WBP2NL: variants seen among roughly 807,000 people sequenced by gnomAD.
The protein encoded by WBP2NL is postacrosomal sheath WW domain-binding protein.
WBP2NL carries 27 observed loss-of-function variants against 23.3 expected under a neutral mutation model. The observed-to-expected ratio is 1.16, with a 90% CI of 0.85 to 1.60. The LOEUF (loss-of-function observed/expected upper bound fraction) is 1.60, where lower values mean the gene tolerates loss of function less well. Ranked by LOEUF, WBP2NL falls within the 40% of genes most tolerant of loss-of-function variation. WBP2NL has a pLI of 0.00. For missense variants in WBP2NL, 370 were observed against 389.5 expected (o/e 0.95, Z 0.42); for synonymous variants, 151 against 145.9 (o/e 1.03, Z -0.25).
At position 42,047,460 on chromosome 22, in the gene WBP2NL, G is replaced by T. The variant is rs188045016; in HGVS notation, c.*274-10830G>T. ...CAAAAATTAGCCTGGTGTTGTGTCGGGTGCCTGTAATCCCAGCTACTCGGG... is the reference window on the plus strand; with the variant it reads ...CAAAAATTAGCCTGGTGTTGTGTCGTGTGCCTGTAATCCCAGCTACTCGGG... On this transcript the variant is annotated intron_variant and NMD_transcript_variant, in intron 8 of 8. Coordinates refer to the WBP2NL transcript ENST00000436265. 3.6e-4 allele frequency among the ~76,000 whole-genome samples: 54 copies of T among 151,060 alleles called. No homozygotes were observed. The East Asian group carries it at 6.8e-3, about 19-fold the overall frequency.
intron 8 of WBP2NL, among the ~76,000 whole-genome samples, chr22:42,047,619 A>AC (rs1925646843): frequency 1.6e-5 from 2 of 122,804 alleles, no homozygotes; most frequent in East Asian, 4.3e-4. Context: ...AAAACCAATC[A>AC]AATTTTTTTT....
chr22:42,046,360 T>C (rs988674024), intron 8 of WBP2NL, among the ~76,000 whole-genome samples: 8 of 152,218 alleles, frequency 5.3e-5, no homozygotes, highest in African/African-American at 9.6e-5. Flanking sequence ...GTGGTAATTA[T>C]CTTTTCTCTC....
chr22:42,020,862 GTGTGTGTATATA>G (rs1320071484), intron 4 of WBP2NL, among the ~76,000 whole-genome samples: 68 of 33,954 alleles, frequency 2.0e-3, no homozygotes, highest in African/African-American at 5.9e-3. Flanking sequence ...ATGTGTGTGT[GTGTGTGTATATA>G]TATATATATA....
chr22:42,032,580 T>G, downstream of WBP2NL: 1 of 286,532 alleles, frequency 3.5e-6, no homozygotes, highest in South Asian at 3.6e-5. Flanking sequence ...ATATATAAAA[T>G]GTAGAAGCCC....
chr22:42,015,571 T>A (rs1231859073), intron 1 of WBP2NL, among the ~76,000 whole-genome samples: 2 of 152,002 alleles, frequency 1.3e-5, no homozygotes, highest in African/African-American at 2.4e-5. Context: ...CCCAGCTAAT[T>A]TTTGTATTTT....
At position 42,026,763 on chromosome 22, in the gene WBP2NL, C is replaced by T; in HGVS notation, c.515-3C>T. On this transcript the variant is annotated splice_region_variant and splice_polypyrimidine_tract_variant and intron_variant, in intron 5 of 5. Transcript: ENST00000328823. The stretch of plus-strand genomic sequence containing the variant: ...ATTTTTTTCCTTCCATTATAATTCC[C>T]AGTTATTGTCTATGGAGCCCCACCT... 1 of 1,609,646 alleles carries T rather than the reference C, an allele frequency of 6.2e-7. No individual in the cohort carries two copies. The highest frequency in any genetic ancestry group is 8.5e-7 in the Non-Finnish European group (1 of 1,178,024).
At position 42,026,668 on chromosome 22, in the gene WBP2NL, C is replaced by T. The variant is rs191894878; in HGVS notation, c.515-98C>T. 118 of 1,516,788 alleles carry T rather than the reference C, an allele frequency of 7.8e-5. No individual in the cohort carries two copies. In the Admixed American group the frequency reaches 9.4e-4, roughly 12 times the overall value. 94.0% of individuals were successfully genotyped at this position (1,516,788 alleles called of 1,614,324 possible). On this transcript the variant is annotated intron_variant, in intron 5 of 5. Transcript: ENST00000328823. ...TTATTCTGCCTGACTTCTCTTCTTGCGTCAGTTTGCTTCAGCATTATTTTT... is the reference window on the plus strand; with the variant it reads ...TTATTCTGCCTGACTTCTCTTCTTGTGTCAGTTTGCTTCAGCATTATTTTT...
In WBP2NL at chr22:42,019,665, A is replaced by G. The variant is rs1156305518; in HGVS notation, c.175A>G (p.Ile59Val). The change falls in exon 3 of 6, where the codon ATT becomes GTT. Residue 59 changes from isoleucine to valine, a missense_variant. Ile to Val is a conservative substitution (Grantham distance 29). Transcript: ENST00000328823. ...GTLFLTSYRVIFITSCSISDP... is the reference protein window; with the variant it reads ...GTLFLTSYRVVFITSCSISDP... ...CAAAGTTTCTGTCCTTGCGTAGGTG[A>G]TTTTCATAACTTCATGCTCCATCAG... is the stretch of plus-strand genomic sequence containing the variant. The G allele has an allele frequency of 4.3e-6, 7 of 1,613,956 alleles. No individual in the cohort carries two copies. Among genetic ancestry groups the G allele is most frequent in the Non-Finnish European group, 5.9e-6 (7 of 1,180,018 alleles).
At chr22:41,999,337 G>A (rs1256512477) in intron 1 of WBP2NL, among the ~76,000 whole-genome samples, 1 of 152,218 alleles carries the variant, frequency 6.6e-6, no homozygotes, top group Admixed American at 6.5e-5. Flanking sequence ...ACAAGGTGTC[G>A]CTCTTTGGTA....
downstream of WBP2NL, among the ~76,000 whole-genome samples, chr22:42,035,637 CTTAAA>C (rs367967958): frequency 8.7e-4 from 132 of 152,248 alleles, no homozygotes; most frequent in African/African-American, 3.1e-3. Flanking sequence ...TTTTTTGTCT[CTTAAA>C]TTATTTTGCA....
chr22:42,048,600 C>CA (rs1206991691), intron 8 of WBP2NL, among the ~76,000 whole-genome samples: 8 of 150,724 alleles, frequency 5.3e-5, no homozygotes, highest in African/African-American at 2.0e-4. Flanking sequence ...ACTAAAAATA[C>CA]AAAAAATTAG....
intron 1 of WBP2NL, among the ~76,000 whole-genome samples, chr22:42,008,121 GCTTTCCTTTC>G (rs1185527318): frequency 2.1e-3 from 115 of 53,858 alleles, no homozygotes; most frequent in East Asian, 0.011. Flanking sequence ...CCTTTCCTTT[GCTTTCCTTTC>G]CTTTCCTTTC....
At chr22:42,010,818 G>A (rs569141093) in intron 1 of WBP2NL, among the ~76,000 whole-genome samples, 12 of 152,162 alleles carry the variant, frequency 7.9e-5, no homozygotes, top group Admixed American at 7.2e-4. Flanking sequence ...GATTACAGGC[G>A]TGAGCCACCA....
At chr22:42,038,204 A>G (rs577716113) in intron 8 of WBP2NL, among the ~76,000 whole-genome samples, 4 of 152,274 alleles carry the variant, frequency 2.6e-5, no homozygotes, top group African/African-American at 4.8e-5. Context: ...ACTTTTGTCA[A>G]ATGCTTTTTC....
intron 8 of WBP2NL, among the ~76,000 whole-genome samples, chr22:42,047,711 T>C (rs1196096205): frequency 2.1e-5 from 3 of 143,344 alleles, no homozygotes; most frequent in Non-Finnish European, 3.0e-5. Context: ...AAGCTCCGCC[T>C]CCCGGGTTCA....
At chr22:42,035,307 C>T (rs1358196024), downstream of WBP2NL, among the ~76,000 whole-genome samples, 2 of 152,254 alleles carry the variant, frequency 1.3e-5, no homozygotes, top group East Asian at 3.8e-4. Flanking sequence ...GCAAGGATGC[C>T]TGGGTCTGCA....
intron 5 of WBP2NL, 40 bp downstream of exon 5, chr22:42,022,396 A>C: frequency 6.5e-7 from 1 of 1,535,662 alleles, no homozygotes; most frequent in Middle Eastern, 1.7e-4. Flanking sequence ...AAGGTGGAAA[A>C]TTATGCCAGA....
In WBP2NL at chr22:42,014,489, A is replaced by T. The variant is rs923465509; in HGVS notation, c.63-4822A>T. ...CATTCTGCCCACTGTGGCCTCCCAA[A>T]GTGCTAGGATTACAGGCATGAGCCA... On this transcript the variant is annotated intron_variant, in intron 1 of 5. Coordinates refer to ENST00000328823, the MANE Select transcript of WBP2NL (RefSeq NM_152613.3). Among the ~76,000 whole-genome samples, 4 of 152,098 alleles carry T rather than the reference A, an allele frequency of 2.6e-5. No homozygotes were observed. In the South Asian group the frequency reaches 8.3e-4, roughly 31 times the overall value.
intron 4 of WBP2NL, among the ~76,000 whole-genome samples, chr22:42,020,900 ATATATATATTTTTTTTTT>A (rs1923897730): frequency 2.7e-5 from 1 of 36,386 alleles, no homozygotes; most frequent in East Asian, 9.0e-4. Context: ...ATATATATAT[ATATATATATTTTTTTTTT>A]TTTTTTTTTT....
Sources: gnomAD v4.1 joint callset for allele counts (sites outside exome capture counted in the v4.1 genomes callset) on GRCh38, gnomAD v4.1.1 for gene constraint, MANE v1.5 for transcripts, NCBI Gene and HGNC (gene_info 2026-07-23, HGNC 2026-07-21) for gene names.